Variants in AGA observed in about 807,000 individuals in gnomAD.
AGA encodes aspartylglucosaminidase.
In AGA, 31 loss-of-function variants were observed where a neutral mutation model predicts 40.1. That is an observed-to-expected ratio of 0.77 (90% CI 0.58 to 1.04). The LOEUF (loss-of-function observed/expected upper bound fraction) is 1.04, where lower values mean the gene tolerates loss of function less well. Among genes scored for constraint, AGA ranks in the 50% least tolerant of loss-of-function variants. The probability of loss-of-function intolerance (pLI) is 0.00; values close to 1 mark genes in which losing one functional copy is unlikely to be tolerated. For synonymous variants in AGA, 148 were observed against 144.0 expected (o/e 1.03, Z -0.20); for missense variants, 445 against 435.4 (o/e 1.02, Z -0.20).
At chr4:177,440,238 C>T (rs761536667) in intron 2 of AGA, 35 bp downstream of exon 2, 1 of 1,612,572 alleles carries the variant, frequency 6.2e-7, no homozygotes, top group East Asian at 2.2e-5. Context: ...AAATGTAACT[C>T]AACATAATAA....
chr4:177,432,352 A>C (rs1165294312), intron 8 of AGA, among the ~76,000 whole-genome samples: 1 of 152,172 alleles, frequency 6.6e-6, no homozygotes, highest in Admixed American at 6.5e-5. Flanking sequence ...AAATTCATCC[A>C]CAATTATATA....
Position 177,433,327 on chromosome 4 carries a change from A to G in AGA, c.827T>C (p.Met276Thr). Residue 276 changes from methionine (M) to threonine (T), a missense_variant, in exon 8 of 9, where the codon ATG (methionine) becomes ACG (threonine). Physicochemically the swap from Met to Thr is moderately conservative, Grantham distance 81 (BLOSUM62 -1). Coordinates refer to ENST00000264595, the MANE Select transcript of AGA (RefSeq NM_000027.4). ...FLPSYQAVEY[M>T]RRGEDPTIAC... ...TATGGTTGGATCTTCTCCTCTTCTCATGTATTCTACAGCTTGGTAGCTGAT... is the reference window on the plus strand; with the variant it reads ...TATGGTTGGATCTTCTCCTCTTCTCGTGTATTCTACAGCTTGGTAGCTGAT... 3 of 1,614,040 alleles carry G rather than the reference A, an allele frequency of 1.9e-6. No homozygotes were observed. Among genetic ancestry groups the G allele is most frequent in the African/African-American group, 1.3e-5 (1 of 75,054 alleles).
At chr4:177,434,248 C>T in intron 7 of AGA, 134 bp downstream of exon 7, 1 of 803,106 alleles carries the variant, frequency 1.2e-6, no homozygotes, top group Non-Finnish European at 2.2e-6. Context: ...GGTGATCCAC[C>T]TGCCTCAGTC....
At chr4:177,436,211 A>T in intron 6 of AGA, 65 bp downstream of exon 6, 1 of 1,354,298 alleles carries the variant, frequency 7.4e-7, no homozygotes, top group Non-Finnish European at 1.1e-6. Context: ...CCCCCATAGC[A>T]CCCGGCATAT....
rs1736928759 is a variant in AGA, at chr4:177,439,618, C to T, written c.352G>A (p.Val118Ile). 7 of 1,613,972 alleles carry T rather than the reference C, an allele frequency of 4.3e-6. No individual in the cohort carries two copies. In the South Asian group the frequency reaches 5.5e-5, roughly 13 times the overall value. The change falls in exon 3 of 9, where the codon GTA (valine) becomes ATA (isoleucine). Residue 118 changes from valine to isoleucine, a missense_variant. By Grantham distance (29) the Val-to-Ile change is conservative. Transcript: ENST00000264595. The stretch of plus-strand genomic sequence containing the variant: ...AGTGTGTGTGTTGTATGTTCCAGTA[C>T]TTTCCGTGCCACACCAATAGCATTT... ...IKNAIGVARK[V>I]LEHTTHTLLV...
intron 5 of AGA, among the ~76,000 whole-genome samples, chr4:177,436,660 C>A (rs116761541): frequency 0.02 from 2,972 of 152,304 alleles, 81 homozygotes; most frequent in African/African-American, 0.067. Context: ...GGAAAACAAG[C>A]TGTCTCCAAA....
At chr4:177,441,238 C>T (rs1052474153) in intron 1 of AGA, among the ~76,000 whole-genome samples, 2 of 152,128 alleles carry the variant, frequency 1.3e-5, no homozygotes, top group Non-Finnish European at 2.9e-5. Flanking sequence ...AGAACTGTCC[C>T]CCGCCCAGGC....
At position 177,430,777 on chromosome 4, in the gene AGA, G is replaced by T. The variant is rs1345369732; in HGVS notation, c.*931C>A. The T allele has an allele frequency of 2.2e-6, 1 of 447,962 alleles. No homozygotes were observed. Among genetic ancestry groups the T allele is most frequent in the Non-Finnish European group, 4.5e-6 (1 of 223,138 alleles). The allele number at this position is 447,962 out of a possible 1,614,324, so 27.7% of individuals were successfully genotyped here. ...AAAAACAGCTGAAATTCTAAAGTTT[G>T]AATATCGTACATGTACATTTATTAA... On this transcript the variant is annotated 3_prime_UTR_variant, in exon 9 of 9. Transcript: ENST00000264595.
At chr4:177,433,562 G>C (rs527804400) in intron 7 of AGA, among the ~76,000 whole-genome samples, 2 of 152,318 alleles carry the variant, frequency 1.3e-5, no homozygotes, top group East Asian at 3.9e-4. Context: ...ATGAATTTCA[G>C]ATGTGGAATA....
At position 177,440,504 on chromosome 4, in the gene AGA, T is replaced by C. The variant is rs944664746; in HGVS notation, c.128-78A>G. On this transcript the variant is annotated intron_variant, in intron 1 of 8. Transcript: ENST00000264595. The stretch of plus-strand genomic sequence containing the variant: ...GCCAAATGCAACAAACCAACTCCAA[T>C]TTAACAACTTTTTCACATTTACTGA... 1.8e-4 allele frequency: 269 copies of C among 1,479,816 alleles called. 2 individuals are homozygous for C. Among genetic ancestry groups the C allele is most frequent in the South Asian group, 1.0e-3 (84 of 83,236 alleles). The allele number at this position is 1,479,816 out of a possible 1,614,324, so 91.7% of individuals were successfully genotyped here.
In AGA at chr4:177,433,238, A is replaced by G. The variant is rs121964906; in HGVS notation, c.916T>C (p.Cys306Arg). 2 of 1,614,154 alleles carry G rather than the reference A, an allele frequency of 1.2e-6. No homozygotes were observed. Among genetic ancestry groups the G allele is most frequent in the African/African-American group, 1.3e-5 (1 of 75,078 alleles). Reference sequence around the variant, plus strand: ...CCGTAACTTCCAGTCACATTGGCACATATAACAGCCCCAAAGAATTCTGGA... The same window carrying G: ...CCGTAACTTCCAGTCACATTGGCACGTATAACAGCCCCAAAGAATTCTGGA... ...HFPEFFGAVI[C>R]ANVTGSYGAA... is the part of the protein sequence containing the mutation. Residue 306 changes from cysteine (C) to arginine (R), a missense_variant, in exon 8 of 9, where the codon TGT becomes CGT. Coordinates refer to ENST00000264595, the MANE Select transcript of AGA (RefSeq NM_000027.4).
At position 177,439,632 on chromosome 4, in the gene AGA, C is replaced by T. The variant is rs763926046; in HGVS notation, c.338G>A (p.Gly113Asp). ...ATGTTCCAGTACTTTCCGTGCCACACCAATAGCATTTTTAATTCGTCTGAG... is the reference window on the plus strand; with the variant it reads ...ATGTTCCAGTACTTTCCGTGCCACATCAATAGCATTTTTAATTCGTCTGAG... ...GDLRRIKNAI[G>D]VARKVLEHTT... The change falls in exon 3 of 9, where the codon GGT (glycine) becomes GAT (aspartate). Residue 113 changes from glycine (G) to aspartate (D), a missense_variant. Physicochemically the swap from Gly to Asp is moderately conservative, Grantham distance 94. Coordinates refer to ENST00000264595, the MANE Select transcript of AGA (RefSeq NM_000027.4). 6.2e-7 allele frequency: 1 copy of T among 1,612,746 alleles called. No homozygotes were observed. Among genetic ancestry groups the T allele is most frequent in the South Asian group, 1.1e-5 (1 of 91,070 alleles).
At chr4:177,435,375 T>C (rs1344914669) in intron 6 of AGA, among the ~76,000 whole-genome samples, 2 of 152,212 alleles carry the variant, frequency 1.3e-5, no homozygotes, top group African/African-American at 2.4e-5. Context: ...AAAATTAATT[T>C]TTTAAAAGAA....
chr4:177,441,819 G>A (rs1487651721), intron 1 of AGA, among the ~76,000 whole-genome samples: 1 of 152,214 alleles, frequency 6.6e-6, no homozygotes, highest in African/African-American at 2.4e-5. Flanking sequence ...TGGGAAAAGA[G>A]TAGGCTATGG....
At position 177,431,704 on chromosome 4, in the gene AGA, T is replaced by C. The variant is rs768915946; in HGVS notation, c.*4A>G. The stretch of plus-strand genomic sequence containing the variant: ...TAAATACAGATGTTGACAGTAAAGA[T>C]GGATTAGATGCAGTCCACTTTTTCC... On this transcript the variant is annotated 3_prime_UTR_variant, in exon 9 of 9. Transcript: ENST00000264595. The C allele has an allele frequency of 1.5e-5, 24 of 1,602,106 alleles. No individual in the cohort carries two copies. Among genetic ancestry groups the C allele is most frequent in the Non-Finnish European group, 2.0e-5 (23 of 1,169,320 alleles).
chr4:177,432,138 A>G (rs991392630), intron 8 of AGA, among the ~76,000 whole-genome samples: 20 of 152,130 alleles, frequency 1.3e-4, no homozygotes, highest in Non-Finnish European at 7.4e-5. Context: ...CATCTCCCAC[A>G]TTTTATTTCT....
Position 177,431,759 on chromosome 4 carries a change from A to T in AGA, c.990T>A (p.Val330=). 6.2e-7 allele frequency: 1 copy of T among 1,613,968 alleles called. No individual in the cohort carries two copies. The highest frequency in any genetic ancestry group is 8.5e-7 in the Non-Finnish European group (1 of 1,179,876). ...TTGGCTGATTTTTTTCGGAATTATA[A>T]ACCATGAAACTAAACTGAGTAAATG... The part of the protein sequence containing the change: ...LSTFTQFSFM[V]YNSEKNQPTE... The change falls in exon 9 of 9, where the codon GTT becomes GTA. Residue 330 remains valine, a synonymous_variant. Transcript: ENST00000264595.
intron 2 of AGA, 151 bp from the exon 3 acceptor site, chr4:177,439,839 T>G (rs1736938521): frequency 1.4e-6 from 1 of 707,160 alleles, no homozygotes. Flanking sequence ...TTCATATAGA[T>G]TCCCACAATC....
At chr4:177,432,897 GTATAAACATTTGAC>G (rs1029701963) in intron 8 of AGA, among the ~76,000 whole-genome samples, 28 of 152,258 alleles carry the variant, frequency 1.8e-4, no homozygotes, top group African/African-American at 6.3e-4. Context: ...TTTTTAATTA[GTATAAACATTTGAC>G]TAGATTAGCC....
Sources: gnomAD v4.1 joint callset for allele counts (sites outside exome capture counted in the v4.1 genomes callset) on GRCh38, gnomAD v4.1.1 for gene constraint, MANE v1.5 for transcripts, NCBI Gene and HGNC (gene_info 2026-07-23, HGNC 2026-07-21) for gene names.